TTC8: variants seen among roughly 807,000 people sequenced by gnomAD.
TTC8 encodes the protein tetratricopeptide repeat domain 8.
In TTC8, 47 loss-of-function variants were observed where a neutral mutation model predicts 72.5. That is an observed-to-expected ratio of 0.65 (90% confidence interval 0.51 to 0.83). TTC8 has a LOEUF of 0.83. TTC8 is among the 40% of genes least tolerant of loss of function. The probability of loss-of-function intolerance (pLI) is 0.00; values close to 1 mark genes in which losing one functional copy is unlikely to be tolerated. For synonymous variants in TTC8, 199 were observed against 221.4 expected, an observed-to-expected ratio of 0.90 and a Z score of 0.90; for missense variants, 611 against 623.2, an observed-to-expected ratio of 0.98 and a Z score of 0.21.
chr14:88,825,872 C>T (rs924414292), intron 1 of TTC8, among the ~76,000 whole-genome samples: 1 of 152,152 alleles, frequency 6.6e-6, no homozygotes, highest in Non-Finnish European at 1.5e-5. Context: ...CTTAGAACAG[C>T]CTACGTTAGT....
chr14:88,824,678 G>A lies in TTC8; in HGVS notation c.-30G>A. The A allele has an allele frequency of 6.4e-7, 1 of 1,558,054 alleles. No homozygotes were observed. Among genetic ancestry groups the A allele is most frequent in the South Asian group, 1.2e-5 (1 of 86,244 alleles). ...TCCACGCCCACCTCTCTCCTGGAGC[G>A]CTGGGCCTTCGCTGGCCGCACCGGC... On this transcript the variant is annotated 5_prime_UTR_variant, in exon 1 of 15. Coordinates refer to ENST00000380656, the MANE Select transcript of TTC8 (RefSeq NM_144596.4).
At chr14:88,836,687 T>C (rs1460655046) in intron 2 of TTC8, among the ~76,000 whole-genome samples, 1 of 152,070 alleles carries the variant, frequency 6.6e-6, no homozygotes, top group Non-Finnish European at 1.5e-5. Flanking sequence ...GAAATAACAG[T>C]ATGAATTTGA....
chr14:88,875,314 A>G (rs1595992706), intron 14 of TTC8, among the ~76,000 whole-genome samples: 2 of 152,222 alleles, frequency 1.3e-5, no homozygotes, highest in African/African-American at 4.8e-5. Flanking sequence ...AATATTGACT[A>G]AACTCCATTA....
At chr14:88,873,411 C>CT (rs1424678148) in intron 13 of TTC8, among the ~76,000 whole-genome samples, 2 of 152,182 alleles carry the variant, frequency 1.3e-5, no homozygotes, top group African/African-American at 4.8e-5. Context: ...TATCACATCT[C>CT]TTACTTTTTT....
upstream of TTC8, chr14:88,824,638 C>A: frequency 7.4e-7 from 1 of 1,349,658 alleles, no homozygotes; most frequent in Middle Eastern, 2.5e-4. Flanking sequence ...GAGTCGGACG[C>A]CGCCAGCTCT....
At chr14:88,872,603 G>A in intron 13 of TTC8, 151 bp downstream of exon 13, 1 of 1,163,416 alleles carries the variant, frequency 8.6e-7, no homozygotes, top group Non-Finnish European at 1.2e-6. Flanking sequence ...TGTATTAGCT[G>A]TGTGACCTTG....
intron 7 of TTC8, among the ~76,000 whole-genome samples, chr14:88,847,353 A>G (rs940519005): frequency 3.9e-5 from 6 of 152,226 alleles, no homozygotes; most frequent in African/African-American, 1.4e-4. Context: ...TGTCTCAATG[A>G]AAGAAATCAG....
At chr14:88,850,682 G>A (rs1372939020) in intron 7 of TTC8, among the ~76,000 whole-genome samples, 1 of 152,116 alleles carries the variant, frequency 6.6e-6, no homozygotes, top group East Asian at 1.9e-4. Flanking sequence ...GAGCAAGACT[G>A]TATCAAAAAA....
chr14:88,870,323 A>G (rs1436512131), intron 11 of TTC8, 125 bp downstream of exon 11: 11 of 1,034,768 alleles, frequency 1.1e-5, no homozygotes, highest in Middle Eastern at 4.0e-4. Context: ...TCAAATGTCA[A>G]CACTGAGATA....
Position 88,824,691 on chromosome 14 carries a change from T to A in TTC8, c.-17T>A, listed in dbSNP as rs1280511947. The A allele has an allele frequency of 6.3e-7, 1 of 1,589,624 alleles. No individual in the cohort carries two copies. ...CTCTCCTGGAGCGCTGGGCCTTCGC[T>A]GGCCGCACCGGCAGCCATGAGCTCG... On this transcript the variant is annotated 5_prime_UTR_variant, in exon 1 of 15. Transcript: ENST00000380656.
intron 14 of TTC8, 90 bp from the exon 15 acceptor site, chr14:88,877,204 A>G: frequency 1.1e-6 from 1 of 907,766 alleles, no homozygotes; most frequent in African/African-American, 1.6e-5. Flanking sequence ...TTTCTACAGC[A>G]TGCAGATACT....
rs1490757930 is a variant in TTC8, at chr14:88,854,568, A to G, written c.710+1512A>G. Among the ~76,000 whole-genome samples, 3 of 152,346 alleles carry G rather than the reference A, an allele frequency of 2.0e-5. No individual in the cohort carries two copies. The East Asian group carries it at 5.8e-4, about 29-fold the overall frequency. On this transcript the variant is annotated intron_variant, in intron 8 of 14. Coordinates refer to ENST00000380656, the MANE Select transcript of TTC8 (RefSeq NM_144596.4). ...ACAGAAGTGTTTCAGATTTTGCAAT[A>G]TTTGAATATATTTAATGAGATATCT...
intron 13 of TTC8, among the ~76,000 whole-genome samples, chr14:88,874,423 A>G (rs1378140794): frequency 1.3e-5 from 2 of 151,946 alleles, no homozygotes; most frequent in Non-Finnish European, 1.5e-5. Context: ...TGATGATCCT[A>G]TGATCACAAA....
rs1164214764 is a variant in TTC8 at position 88,872,406 on chromosome 14, A to G, written c.1301A>G (p.Tyr434Cys). The change falls in exon 13 of 15, where the codon TAC becomes TGC. Residue 434 changes from tyrosine to cysteine, a missense_variant. By Grantham distance (194) the Tyr-to-Cys change is radical. Coordinates refer to ENST00000380656, the MANE Select transcript of TTC8 (RefSeq NM_144596.4). ...LVNNNNHAEA[Y>C]NNLAVLEMRK... Reference sequence around the variant, plus strand: ...AACAACAACAACCACGCCGAGGCCTACAACAACCTGGCTGTGCTGGAGATG... The same window carrying G: ...AACAACAACAACCACGCCGAGGCCTGCAACAACCTGGCTGTGCTGGAGATG... The G allele has an allele frequency of 1.2e-6, 2 of 1,614,078 alleles. No homozygotes were observed. The highest frequency in any genetic ancestry group is 1.3e-5 in the African/African-American group (1 of 75,056).
At position 88,859,196 on chromosome 14, in the gene TTC8, A is replaced by G. The variant is rs369436385; in HGVS notation, c.798+1919A>G. Among the ~76,000 whole-genome samples, 44 of 152,278 alleles carry G rather than the reference A, an allele frequency of 2.9e-4. 1 individual carries two copies. The highest frequency in any genetic ancestry group is 9.1e-4 in the African/African-American group (38 of 41,562). ...TAGAGATCAAGCAGATTTTTGTTCT[A>G]TCACAATGACACATGCATGCATATG... is the stretch of plus-strand genomic sequence containing the variant. On this transcript the variant is annotated intron_variant, in intron 9 of 14. Coordinates refer to ENST00000380656, the MANE Select transcript of TTC8 (RefSeq NM_144596.4).
At chr14:88,861,139 G>T in intron 9 of TTC8, 83 bp from the exon 10 acceptor site, 2 of 1,048,342 alleles carry the variant, frequency 1.9e-6, no homozygotes, top group Non-Finnish European at 2.9e-6. Context: ...GAGATAATTT[G>T]TTACTAATCA....
intron 7 of TTC8, among the ~76,000 whole-genome samples, chr14:88,851,667 AT>A (rs771649736): frequency 5.4e-5 from 8 of 147,972 alleles, no homozygotes; most frequent in Middle Eastern, 3.4e-3. Flanking sequence ...TTTTCTCCTC[AT>A]TTTTTTTTGT....
At chr14:88,855,260 G>A (rs1193261805) in intron 8 of TTC8, among the ~76,000 whole-genome samples, 3 of 152,094 alleles carry the variant, frequency 2.0e-5, no homozygotes, top group African/African-American at 7.2e-5. Flanking sequence ...ATTGCTTTAA[G>A]GACATGGTTG....
intron 7 of TTC8, among the ~76,000 whole-genome samples, chr14:88,846,425 T>G (rs976842894): frequency 2.6e-5 from 4 of 152,204 alleles, no homozygotes; most frequent in African/African-American, 9.6e-5. Context: ...TTCAAAGAGC[T>G]TTAACTGTAA....
Sources: allele counts gnomAD v4.1 joint callset (sites outside exome capture counted in the v4.1 genomes callset), GRCh38; gene constraint gnomAD v4.1.1; transcripts MANE v1.5; gene names NCBI Gene and HGNC (gene_info 2026-07-23, HGNC 2026-07-21).